The following LRRFIP2 variants were observed in gnomAD, a reference collection of about 807,000 sequenced individuals.
LRRFIP2 encodes leucine-rich repeat flightless-interacting protein 2.
LRRFIP2 carries 109 observed loss-of-function variants against 125.9 expected under a neutral mutation model. That is an observed-to-expected ratio of 0.87 (90% CI 0.74 to 1.01). The LOEUF is 1.01. LRRFIP2 is among the 50% of genes least tolerant of loss of function. The probability of loss-of-function intolerance (pLI) is 0.00; values close to 1 mark genes in which losing one functional copy is unlikely to be tolerated. For missense variants in LRRFIP2, 850 were observed against 862.3 expected (o/e 0.99, Z 0.18); for synonymous variants, 291 against 293.1 (o/e 0.99, Z 0.07).
At chr3:37,175,601 G>A (rs905300923), upstream of LRRFIP2, among the ~76,000 whole-genome samples, 2 of 152,174 alleles carry the variant, frequency 1.3e-5, no homozygotes, top group Non-Finnish European at 1.5e-5. Context: ...GCTAGCGCCT[G>A]TTAAACCCGC....
Position 37,066,294 on chromosome 3 carries a change from C to A in LRRFIP2, c.1496G>T (p.Cys499Phe), listed in dbSNP as rs2090130639. Residue 499 changes from cysteine (C) to phenylalanine (F), a missense_variant, in exon 22 of 28, where the codon TGC becomes TTC. Transcript: ENST00000336686. ...ALEKQKEYIA[C>F]LRNERDMLRE... ...GAGCATATCTCGCTCATTCCTAAGG[C>A]AGGCAATGTATTCTTTCTGTTTCTC... is the stretch of plus-strand genomic sequence containing the variant. 2 of 1,614,106 alleles carry A rather than the reference C, an allele frequency of 1.2e-6. No individual in the cohort carries two copies. The highest frequency in any genetic ancestry group is 1.7e-6 in the Non-Finnish European group (2 of 1,179,978).
intron 2 of LRRFIP2, among the ~76,000 whole-genome samples, chr3:37,146,735 T>G (rs967357680): frequency 6.6e-6 from 1 of 152,202 alleles, no homozygotes; most frequent in Non-Finnish European, 1.5e-5. Flanking sequence ...TTTGAGTTGA[T>G]GTAACTCAAA....
chr3:37,159,621 C>A (rs915421904), intron 1 of LRRFIP2, among the ~76,000 whole-genome samples: 1 of 152,022 alleles, frequency 6.6e-6, no homozygotes, highest in Non-Finnish European at 1.5e-5. Context: ...ATTCTCCTAC[C>A]TCAGCCTCCT....
At chr3:37,059,000 A>G in intron 24 of LRRFIP2, 90 bp from the exon 25 acceptor site, 1 of 1,523,086 alleles carries the variant, frequency 6.6e-7, no homozygotes, top group Non-Finnish European at 9.0e-7. Context: ...AACAAAGCAG[A>G]CCCTTATCGT....
intron 4 of LRRFIP2, among the ~76,000 whole-genome samples, chr3:37,122,194 T>C (rs1484328978): frequency 1.3e-5 from 2 of 151,826 alleles, no homozygotes; most frequent in Non-Finnish European, 2.9e-5. Flanking sequence ...TGCGACAGTT[T>C]GCTGAGAATG....
intron 1 of LRRFIP2, among the ~76,000 whole-genome samples, chr3:37,164,975 C>G (rs1328121512): frequency 6.6e-6 from 1 of 152,148 alleles, no homozygotes; most frequent in Non-Finnish European, 1.5e-5. Context: ...GTGGCTGACG[C>G]CTGTAATCCC....
chr3:37,141,521 C>T (rs2095701074), intron 2 of LRRFIP2, among the ~76,000 whole-genome samples: 2 of 152,326 alleles, frequency 1.3e-5, no homozygotes, highest in African/African-American at 4.8e-5. Flanking sequence ...TATGGTGATA[C>T]ATATTAAACC....
chr3:37,091,117 T>C (rs964376110), intron 18 of LRRFIP2, among the ~76,000 whole-genome samples: 2 of 152,136 alleles, frequency 1.3e-5, no homozygotes, highest in African/African-American at 4.8e-5. Flanking sequence ...GGCTCATGCC[T>C]GTAATCCCAG....
rs539538359 is a variant in LRRFIP2, at chr3:37,161,873, G to A, written c.-56+12666C>T. Reference sequence around the variant, plus strand: ...AAAGTATCAGTCCATAGGGACTAACGTTCAAATAACTGGAGAAAGAGAAAA... The same window carrying A: ...AAAGTATCAGTCCATAGGGACTAACATTCAAATAACTGGAGAAAGAGAAAA... On this transcript the variant is annotated intron_variant, in intron 1 of 27. Coordinates refer to ENST00000336686, the MANE Select transcript of LRRFIP2 (RefSeq NM_006309.4). Among the ~76,000 whole-genome samples the A allele has an allele frequency of 2.6e-5, 4 of 151,674 alleles. No individual in the cohort carries two copies. In the South Asian group the frequency reaches 8.3e-4, roughly 32 times the overall value.
chr3:37,116,144 A>G (rs67233917), intron 6 of LRRFIP2, among the ~76,000 whole-genome samples: 54,484 of 151,898 alleles, frequency 0.36, 10,760 homozygotes, highest in Non-Finnish European at 0.45. Flanking sequence ...GCTTTTTTTG[A>G]GACAGGGTTT....
At chr3:37,129,836 T>TA (rs11395500) in intron 2 of LRRFIP2, among the ~76,000 whole-genome samples, 1,993 of 151,686 alleles carry the variant, frequency 0.013, 52 homozygotes, top group African/African-American at 0.045. Context: ...CTACTAAAAA[T>TA]AAAAAAAATA....
intron 21 of LRRFIP2, among the ~76,000 whole-genome samples, chr3:37,071,275 T>C (rs1173037459): frequency 6.6e-6 from 1 of 152,196 alleles, no homozygotes; most frequent in East Asian, 1.9e-4. Flanking sequence ...TGGAGTGCCA[T>C]GGCACGATCA....
intron 6 of LRRFIP2, among the ~76,000 whole-genome samples, chr3:37,120,986 T>C (rs2095010244): frequency 1.3e-5 from 2 of 152,132 alleles, no homozygotes; most frequent in Admixed American, 1.3e-4. Flanking sequence ...AAAAACAACC[T>C]GGGGCATTCT....
chr3:37,114,023 A>G (rs1268357575), intron 7 of LRRFIP2, among the ~76,000 whole-genome samples: 1 of 152,178 alleles, frequency 6.6e-6, no homozygotes, highest in Non-Finnish European at 1.5e-5. Context: ...CCTACCTATC[A>G]AGAGCCAAAG....
At chr3:37,066,613 T>C in intron 21 of LRRFIP2, 2 of 280,072 alleles carry the variant, frequency 7.1e-6, no homozygotes, top group Non-Finnish European at 1.4e-5. Context: ...ATGAAAAAAA[T>C]AAAACAGGAA....
At chr3:37,160,549 G>A (rs1023933196) in intron 1 of LRRFIP2, among the ~76,000 whole-genome samples, 4 of 152,116 alleles carry the variant, frequency 2.6e-5, no homozygotes, top group Admixed American at 1.3e-4. Context: ...GGAGGCTGAC[G>A]CAGGCGGATC....
intron 19 of LRRFIP2, among the ~76,000 whole-genome samples, chr3:37,081,672 C>T (rs2092650598): frequency 6.6e-6 from 1 of 151,830 alleles, no homozygotes; most frequent in East Asian, 1.9e-4. Flanking sequence ...TTGCTTGAGC[C>T]CAGGAGTTCG....
chr3:37,106,183 G>C lies in LRRFIP2; in HGVS notation c.715-660C>G, dbSNP rs530456246. 4.6e-5 allele frequency among the ~76,000 whole-genome samples: 7 copies of C among 152,320 alleles called. No homozygotes were observed. The East Asian group carries it at 1.2e-3, about 25-fold the overall frequency. ...TCAGGGGTCAACAAATATACTTAAT[G>C]TTTTTGTTTGAGAGAGAAAATAAAA... On this transcript the variant is annotated intron_variant, in intron 13 of 27. Coordinates refer to ENST00000336686, the MANE Select transcript of LRRFIP2 (RefSeq NM_006309.4).
intron 1 of LRRFIP2, among the ~76,000 whole-genome samples, chr3:37,164,513 T>C (rs1434925593): frequency 6.6e-6 from 1 of 151,672 alleles, no homozygotes; most frequent in African/African-American, 2.4e-5. Flanking sequence ...AGGTCAGGAG[T>C]TCGAGATCAG....
Sources: gnomAD v4.1 joint callset for allele counts (sites outside exome capture counted in the v4.1 genomes callset) on GRCh38, gnomAD v4.1.1 for gene constraint, MANE v1.5 for transcripts, NCBI Gene and HGNC (gene_info 2026-07-23, HGNC 2026-07-21) for gene names.